The following ADAM10 variants were observed in gnomAD, a reference collection of about 807,000 sequenced individuals.
ADAM10 encodes ADAM metallopeptidase domain 10.
In ADAM10, 17 loss-of-function variants were observed where a neutral mutation model predicts 90.1. The ratio of observed to expected loss-of-function variants is 0.19; its 90% CI spans 0.13 to 0.28. The LOEUF (loss-of-function observed/expected upper bound fraction) is 0.28, where lower values mean the gene tolerates loss of function less well. Among genes scored for constraint, ADAM10 ranks in the 10% least tolerant of loss-of-function variants. The probability of loss-of-function intolerance (pLI) is 1.00; values close to 1 mark genes in which losing one functional copy is unlikely to be tolerated. For synonymous variants in ADAM10, 310 were observed against 298.6 expected, an observed-to-expected ratio of 1.04 and a Z score of -0.40; for missense variants, 610 against 914.3, an observed-to-expected ratio of 0.67 and a Z score of 4.29.
At chr15:58,610,236 G>A (rs1279109774) in intron 14 of ADAM10, 61 bp downstream of exon 14, 11 of 1,427,904 alleles carry the variant, frequency 7.7e-6, no homozygotes, top group Non-Finnish European at 9.8e-6. Context: ...ATGACTTCTG[G>A]CCAAGTAAAA....
chr15:58,720,862 C>T (rs1013965829), intron 1 of ADAM10, among the ~76,000 whole-genome samples: 2 of 152,250 alleles, frequency 1.3e-5, no homozygotes, highest in Non-Finnish European at 2.9e-5. Flanking sequence ...TAATTTCTTT[C>T]ATTTTGAAAA....
rs199769865 is a variant in ADAM10, at chr15:58,621,477, T to C, written c.1505A>G (p.Gln502Arg). The change falls in exon 11 of 16, where the codon CAG (glutamine) becomes CGG (arginine). Residue 502 changes from glutamine (Q) to arginine (R), a missense_variant. This residue lies in a region of ADAM10 where 53 missense variants were observed against 62.0 expected (regional missense o/e 0.85). Coordinates refer to ENST00000260408, the MANE Select transcript of ADAM10 (RefSeq NM_001110.4). Reference sequence around the variant, plus strand: ...ACTGAAATTAGCAAGGTACCTGCACTGTTTCCCAGGTTTCAGTTTGCATTT... The same window carrying C: ...ACTGAAATTAGCAAGGTACCTGCACCGTTTCCCAGGTTTCAGTTTGCATTT... ...GRKCKLKPGK[Q>R]CSPSQGPCCT... The C allele has an allele frequency of 1.9e-5, 30 of 1,614,012 alleles. No individual in the cohort carries two copies. The highest frequency in any genetic ancestry group is 2.1e-5 in the Non-Finnish European group (25 of 1,180,020).
intron 1 of ADAM10, among the ~76,000 whole-genome samples, chr15:58,721,926 G>A (rs1242274275): frequency 6.6e-6 from 1 of 152,012 alleles, no homozygotes; most frequent in Non-Finnish European, 1.5e-5. Flanking sequence ...TACTCGGGAG[G>A]CTGAGGCAGG....
chr15:58,655,721 A>ATACTATATATAGTGTGTG (rs1566982430), intron 5 of ADAM10, among the ~76,000 whole-genome samples: 2 of 80,574 alleles, frequency 2.5e-5, no homozygotes, highest in East Asian at 6.0e-4. Flanking sequence ...GTATATATAT[A>ATACTATATATAGTGTGTG]TATATATATA....
In ADAM10 at chr15:58,594,658, G is replaced by C. The variant is rs1244504190; in HGVS notation, c.*2889C>G. On this transcript the variant is annotated 3_prime_UTR_variant, in exon 16 of 16. Coordinates refer to ENST00000260408, the MANE Select transcript of ADAM10 (RefSeq NM_001110.4). ...TTATTTCTGATTTTGTTTGTGAATT[G>C]GTACCTGAATTTATAAAACTGGGGA... 1 of 152,078 alleles carries C rather than the reference G, an allele frequency of 6.6e-6. No homozygotes were observed. The highest frequency in any genetic ancestry group is 2.4e-5 in the African/African-American group (1 of 41,412). 9.4% of individuals were successfully genotyped at this position (152,078 alleles called of 1,614,324 possible). A position where few individuals can be genotyped will look rare whatever the true frequency, so the allele number is the denominator to read the frequency against.
At chr15:58,694,197 C>T (rs1897908397) in intron 2 of ADAM10, among the ~76,000 whole-genome samples, 1 of 152,150 alleles carries the variant, frequency 6.6e-6, no homozygotes, top group African/African-American at 2.4e-5. Context: ...TGCCTATAAT[C>T]CCAGCACTCT....
rs1350094173 is a variant in ADAM10 at position 58,596,912 on chromosome 15, A to G, written c.*635T>C. 3.9e-5 allele frequency: 6 copies of G among 155,182 alleles called. No individual in the cohort carries two copies. The highest frequency in any genetic ancestry group is 5.7e-5 in the Non-Finnish European group (4 of 69,698). 9.6% of individuals were successfully genotyped at this position (155,182 alleles called of 1,614,324 possible). On this transcript the variant is annotated 3_prime_UTR_variant, in exon 16 of 16. Transcript: ENST00000260408. The stretch of plus-strand genomic sequence containing the variant: ...ATTTTCATTTCAAAACTGCCTGTGT[A>G]AAGCATTACAGAATCCTGGACCACT...
chr15:58,630,735 G>A (rs1444158940), intron 9 of ADAM10, among the ~76,000 whole-genome samples: 3 of 152,104 alleles, frequency 2.0e-5, no homozygotes, highest in East Asian at 3.8e-4. Context: ...TACTACAAAC[G>A]TATAAGAGAG....
At chr15:58,698,481 T>C (rs1595631833) in intron 2 of ADAM10, 1 of 249,386 alleles carries the variant, frequency 4.0e-6, no homozygotes, top group Non-Finnish European at 7.6e-6. Flanking sequence ...GTGGTTGAGG[T>C]GGGAGGATCG....
intron 11 of ADAM10, among the ~76,000 whole-genome samples, chr15:58,616,873 C>T (rs1895630192): frequency 6.6e-6 from 1 of 152,056 alleles, no homozygotes; most frequent in Admixed American, 6.5e-5. Flanking sequence ...CTTTGGGAGG[C>T]CGAGGCGGAC....
chr15:58,650,989 GAA>G (rs1296391188), intron 5 of ADAM10, among the ~76,000 whole-genome samples: 1 of 151,536 alleles, frequency 6.6e-6, no homozygotes, highest in East Asian at 1.9e-4. Context: ...TTTTTATACT[GAA>G]AAGTCTTACA....
chr15:58,740,007 T>G (rs1008337826), intron 1 of ADAM10, among the ~76,000 whole-genome samples: 1 of 152,252 alleles, frequency 6.6e-6, no homozygotes, highest in Non-Finnish European at 1.5e-5. Flanking sequence ...AGTGAGACAC[T>G]GTGCTAGGTC....
intron 13 of ADAM10, chr15:58,610,725 A>T (rs924740310): frequency 1.5e-6 from 1 of 661,164 alleles, no homozygotes; most frequent in South Asian, 1.8e-5. Context: ...GCAAGTCTTG[A>T]CTCAGTGTCC....
intron 6 of ADAM10, 91 bp from the exon 7 acceptor site, chr15:58,644,069 G>T: frequency 2.2e-6 from 2 of 921,408 alleles, no homozygotes; most frequent in Non-Finnish European, 3.5e-6. Context: ...AATTATTCAT[G>T]TCCTGCCACA....
At chr15:58,695,600 TA>T (rs201255986) in intron 2 of ADAM10, among the ~76,000 whole-genome samples, 5 of 150,840 alleles carry the variant, frequency 3.3e-5, no homozygotes, top group African/African-American at 9.7e-5. Context: ...TTCTATATGG[TA>T]AAAAAAAATT....
At chr15:58,685,982 C>T (rs1189976688) in intron 2 of ADAM10, among the ~76,000 whole-genome samples, 4 of 152,038 alleles carry the variant, frequency 2.6e-5, no homozygotes, top group African/African-American at 7.2e-5. Context: ...CTCAAAAATA[C>T]AGTTTTTCAG....
At chr15:58,733,472 G>A (rs1899324431) in intron 1 of ADAM10, among the ~76,000 whole-genome samples, 1 of 152,184 alleles carries the variant, frequency 6.6e-6, no homozygotes, top group Admixed American at 6.5e-5. Context: ...AGCCAATCCT[G>A]GAACTGCCTG....
chr15:58,717,534 A>C, intron 2 of ADAM10, 43 bp downstream of exon 2: 1 of 1,610,094 alleles, frequency 6.2e-7, no homozygotes, highest in Non-Finnish European at 8.5e-7. Context: ...CTTAGATTGA[A>C]TATAGAGGAA....
intron 1 of ADAM10, among the ~76,000 whole-genome samples, chr15:58,733,544 T>C (rs1322928173): frequency 2.0e-5 from 3 of 152,236 alleles, no homozygotes; most frequent in Non-Finnish European, 4.4e-5. Context: ...AAAACAAAAA[T>C]AAAGTACAGG....
Sources: allele counts gnomAD v4.1 joint callset (sites outside exome capture counted in the v4.1 genomes callset), GRCh38; gene constraint gnomAD v4.1.1; regional missense constraint gnomAD v4.1.1; transcripts MANE v1.5; gene names NCBI Gene and HGNC (gene_info 2026-07-23, HGNC 2026-07-21).